Variants in HECTD4 observed in about 807,000 individuals in gnomAD.
HECTD4 encodes HECT domain E3 ubiquitin protein ligase 4, also known as probable E3 ubiquitin-protein ligase HECTD4.
A neutral mutation model predicts 471.5 loss-of-function variants in HECTD4; 114 were observed. That is an observed-to-expected ratio of 0.24 (90% CI 0.21 to 0.28). HECTD4 has a LOEUF of 0.28. Among genes scored for constraint, HECTD4 ranks in the 10% least tolerant of loss-of-function variants. HECTD4 has a pLI of 1.00. For synonymous variants in HECTD4, 2,012 were observed against 2,256.0 expected (o/e 0.89, Z 3.07); for missense variants, 3,866 against 5,651.5 (o/e 0.68, Z 10.13).
chr12:112,212,564 A>G lies in HECTD4; in HGVS notation c.7552T>C (p.Tyr2518His). Residue 2518 changes from tyrosine to histidine, a missense_variant, in exon 49 of 76, where the codon TAC becomes CAC. Tyr to His is a moderately conservative substitution (Grantham distance 83). Around this residue, in one of 16 missense-constraint regions of HECTD4, gnomAD observed 617 missense variants for 915.1 expected, o/e 0.67. Coordinates refer to ENST00000682272, the MANE Select transcript of HECTD4 (RefSeq NM_001388303.1). Reference sequence around the variant, plus strand: ...TATGGTGAGAGGCGCTGCCCGCAGTATGTGAAGTACACCCGGCCCTTGGCT... The same window carrying G: ...TATGGTGAGAGGCGCTGCCCGCAGTGTGTGAAGTACACCCGGCCCTTGGCT... ...QPAKGRVYFTYCGQRLSPYLE... is the reference protein window; with the variant it reads ...QPAKGRVYFTHCGQRLSPYLE... 6.2e-7 allele frequency: 1 copy of G among 1,613,910 alleles called. No individual in the cohort carries two copies. The highest frequency in any genetic ancestry group is 8.5e-7 in the Non-Finnish European group (1 of 1,179,834).
rs58813588 is a variant in HECTD4 at position 112,332,811 on chromosome 12, C to CAA, written c.178-13071_178-13070dup. Among the ~76,000 whole-genome samples, 14 of 139,438 alleles carry CAA rather than the reference C, an allele frequency of 1.0e-4. No individual in the cohort carries two copies. In the East Asian group the frequency reaches 2.2e-3, roughly 22 times the overall value. 91.5% of individuals were successfully genotyped at this position (139,438 alleles called of 152,430 possible). A position where few individuals can be genotyped will look rare whatever the true frequency, so the allele number is the denominator to read the frequency against. Reference sequence around the variant, plus strand: ...TTCATCACACACCCCCACCCTACTGCAAAAAAAAAAAACAAAAATCCTGAA... The same window carrying CAA: ...TTCATCACACACCCCCACCCTACTGCAAAAAAAAAAAAAACAAAAATCCTGAA... On this transcript the variant is annotated intron_variant, in intron 1 of 75. Coordinates refer to ENST00000682272, the MANE Select transcript of HECTD4 (RefSeq NM_001388303.1).
In HECTD4 at chr12:112,179,088, G is replaced by A. The variant is rs779691010; in HGVS notation, c.11212-6C>T. 1 of 1,613,838 alleles carries A rather than the reference G, an allele frequency of 6.2e-7. No homozygotes were observed. Among genetic ancestry groups the A allele is most frequent in the Non-Finnish European group, 8.5e-7 (1 of 1,179,902 alleles). On this transcript the variant is annotated splice_polypyrimidine_tract_variant and splice_region_variant and intron_variant, in intron 63 of 75. Coordinates refer to ENST00000682272, the MANE Select transcript of HECTD4 (RefSeq NM_001388303.1). This position sits in a 1 kb window ranked among gnomAD's most constrained non-coding sequence, Gnocchi z 4.3. ...ACGCCATACTTCCTCAGGATCTGTG[G>A]AGCACAGAGGCAGCGGGGAGGCTCT...
At chr12:112,363,450 G>A (rs770834704) in intron 1 of HECTD4, among the ~76,000 whole-genome samples, 1 of 152,084 alleles carries the variant, frequency 6.6e-6, no homozygotes, top group African/African-American at 2.4e-5. Context: ...AATGGACATA[G>A]AATAGGTTTA....
chr12:112,248,577 ATTTTTAT>A lies in HECTD4; in HGVS notation c.3951-72_3951-66del. On this transcript the variant is annotated intron_variant, in intron 25 of 75. Coordinates refer to ENST00000682272, the MANE Select transcript of HECTD4 (RefSeq NM_001388303.1). Reference sequence around the variant, plus strand: ...TCTCAGCTTCTCAATACTGTATTTTATTTTTATTTTTTATTTCTTTAGAGACAAGGTC... The same window carrying A: ...TCTCAGCTTCTCAATACTGTATTTTATTTTTATTTCTTTAGAGACAAGGTC... 1.0e-5 allele frequency: 11 copies of A among 1,077,908 alleles called. No homozygotes were observed. The South Asian group carries it at 2.5e-4, about 24-fold the overall frequency. The allele number at this position is 1,077,908 out of a possible 1,614,324, so 66.8% of individuals were successfully genotyped here.
At chr12:112,167,600 T>C (rs2031023132) in intron 71 of HECTD4, 62 bp from the exon 72 acceptor site, 5 of 1,345,316 alleles carry the variant, frequency 3.7e-6, no homozygotes, top group African/African-American at 1.5e-5. Flanking sequence ...CCAGGGAACA[T>C]GTGTTTCAAG....
chr12:112,193,996 A>T lies in HECTD4; in HGVS notation c.8750-322T>A, dbSNP rs1010831503. On this transcript the variant is annotated intron_variant, in intron 56 of 75. Coordinates refer to ENST00000682272, the MANE Select transcript of HECTD4 (RefSeq NM_001388303.1). The surrounding 1 kb of genome is among the most constrained non-coding windows in gnomAD (Gnocchi z 5.2). Reference sequence around the variant, plus strand: ...TGGATCCAGGGGTTCCCAGAGCCTGACCTGTCTGACTACTCTGGCCCACCC... The same window carrying T: ...TGGATCCAGGGGTTCCCAGAGCCTGTCCTGTCTGACTACTCTGGCCCACCC... Among the ~76,000 whole-genome samples the T allele has an allele frequency of 6.6e-6, 1 of 152,184 alleles. No individual in the cohort carries two copies. The highest frequency in any genetic ancestry group is 1.5e-5 in the Non-Finnish European group (1 of 68,028).
intron 17 of HECTD4, among the ~76,000 whole-genome samples, chr12:112,263,356 T>C (rs1334551363): frequency 6.6e-5 from 10 of 152,326 alleles, no homozygotes; most frequent in South Asian, 2.1e-4. Context: ...TTCAGTGTGT[T>C]TAACATTTTA....
At chr12:112,376,768 A>AG (rs1392057376) in intron 1 of HECTD4, among the ~76,000 whole-genome samples, 2 of 152,008 alleles carry the variant, frequency 1.3e-5, no homozygotes, top group Admixed American at 6.6e-5. Context: ...CCCTCCCTTC[A>AG]GGTCTCTGCT....
intron 34 of HECTD4, among the ~76,000 whole-genome samples, chr12:112,238,019 G>T (rs1057295248): frequency 6.6e-6 from 1 of 152,110 alleles, no homozygotes; most frequent in Non-Finnish European, 1.5e-5. Context: ...CTCCCAAAGT[G>T]CTGGGATTAC....
chr12:112,221,196 G>A (rs1287275469), intron 44 of HECTD4, among the ~76,000 whole-genome samples: 2 of 152,138 alleles, frequency 1.3e-5, no homozygotes, highest in African/African-American at 2.4e-5. Flanking sequence ...AAAAGCACCT[G>A]TTTTAAAGTG....
chr12:112,304,642 T>A (rs1217470982), intron 7 of HECTD4, among the ~76,000 whole-genome samples: 2 of 151,484 alleles, frequency 1.3e-5, no homozygotes, highest in Non-Finnish European at 2.9e-5. Context: ...AAATGAAAAT[T>A]CCTTAAACAG....
chr12:112,302,715 T>C, intron 7 of HECTD4: 1 of 432,720 alleles, frequency 2.3e-6, no homozygotes, highest in Non-Finnish European at 4.1e-6. Flanking sequence ...CTTTTTCTCA[T>C]TTTTAATCTT....
chr12:112,208,285 C>T (rs942222658), intron 51 of HECTD4, among the ~76,000 whole-genome samples: 4 of 152,320 alleles, frequency 2.6e-5, no homozygotes, highest in South Asian at 2.1e-4. Context: ...GGATCTTCAC[C>T]GGGCAAAATG....
chr12:112,347,528 G>A (rs546705472), intron 1 of HECTD4, among the ~76,000 whole-genome samples: 33 of 152,126 alleles, frequency 2.2e-4, no homozygotes, highest in African/African-American at 7.5e-4. Flanking sequence ...AAAAAAGAAA[G>A]AAAAGAAAAC....
At chr12:112,294,116 G>C (rs2034954758) in intron 7 of HECTD4, among the ~76,000 whole-genome samples, 1 of 151,908 alleles carries the variant, frequency 6.6e-6, no homozygotes, top group South Asian at 2.1e-4. Context: ...TGCTCAGACT[G>C]GTCTTCTTTT....
chr12:112,247,169 CAG>C (rs1199392714), intron 28 of HECTD4, 93 bp from the exon 29 acceptor site: 11 of 1,049,192 alleles, frequency 1.0e-5, no homozygotes, highest in South Asian at 3.1e-5. Flanking sequence ...AGAGAAGACA[CAG>C]GGGAAACTAA....
intron 1 of HECTD4, among the ~76,000 whole-genome samples, chr12:112,376,995 T>C (rs1370890047): frequency 6.6e-6 from 1 of 152,078 alleles, no homozygotes; most frequent in Non-Finnish European, 1.5e-5. Context: ...GCCTGTAATC[T>C]CAGCTCCTCA....
intron 20 of HECTD4, 125 bp downstream of exon 20, chr12:112,258,371 T>G (rs2135597271): frequency 1.6e-6 from 1 of 611,718 alleles, no homozygotes; most frequent in Admixed American, 3.9e-5. Context: ...AAATTTTCAT[T>G]CTGAAGTCTT....
Position 112,247,475 on chromosome 12 carries a change from C to T in HECTD4, c.4324G>A (p.Val1442Ile). Residue 1442 changes from valine (V) to isoleucine (I), a missense_variant, in exon 28 of 76, where the codon GTC (valine) becomes ATC (isoleucine). By Grantham distance (29) the Val-to-Ile change is conservative. This residue lies in a region of HECTD4 where 281 missense variants were observed against 499.9 expected (regional missense o/e 0.56). Transcript: ENST00000682272. ...AATACGACTAACCTCAGTGATAGGA[C>T]CATGTTTTCAAGATCATTCCCATCA... The part of the protein sequence containing the change: ...SFDGNDLENM[V>I]LSLREKFLQE... 3 of 1,527,344 alleles carry T rather than the reference C, an allele frequency of 2.0e-6. No individual in the cohort carries two copies. The highest frequency in any genetic ancestry group is 2.7e-6 in the Non-Finnish European group (3 of 1,128,454). The allele number at this position is 1,527,344 out of a possible 1,614,324, so 94.6% of individuals were successfully genotyped here.
Sources: gnomAD v4.1 joint callset for allele counts (sites outside exome capture counted in the v4.1 genomes callset) on GRCh38, gnomAD v4.1.1 for gene constraint, gnomAD v4.1.1 regional missense constraint, Gnocchi (gnomAD v3.1) non-coding constraint, MANE v1.5 for transcripts, NCBI Gene and HGNC (gene_info 2026-07-23, HGNC 2026-07-21) for gene names.